VSX1: variants seen among roughly 807,000 people sequenced by gnomAD.
VSX1 encodes the protein visual system homeobox 1, also known as homeodomain protein RINX.
A neutral mutation model predicts 23.6 loss-of-function variants in VSX1; 23 were observed. That is an observed-to-expected ratio of 0.97 (90% CI 0.70 to 1.38). VSX1 has a LOEUF of 1.38. VSX1 is among the 40% of genes most tolerant of loss of function. The pLI is 0.00. For synonymous variants in VSX1, 247 were observed against 215.1 expected (o/e 1.15, Z -1.30); for missense variants, 517 against 495.4 (o/e 1.04, Z -0.41).
At position 25,078,874 on chromosome 20, in the gene VSX1, T is replaced by C. The variant is rs766034151; in HGVS notation, c.582A>G (p.Arg194=). The stretch of plus-strand genomic sequence containing the variant: ...GCTCAGTTTTCACAGCCAGCATTTC[T>C]CGGGCATACACATCAGGGTAGTGGG... ...SEAHYPDVYA[R]EMLAVKTELP... The change falls in exon 3 of 5, where the codon CGA becomes CGG. Residue 194 remains arginine, a synonymous_variant. Coordinates refer to ENST00000376709, the MANE Select transcript of VSX1 (RefSeq NM_014588.6). The C allele has an allele frequency of 6.2e-7, 1 of 1,614,212 alleles. No homozygotes were observed. Among genetic ancestry groups the C allele is most frequent in the Non-Finnish European group, 8.5e-7 (1 of 1,180,038 alleles).
Position 25,081,653 on chromosome 20 carries a change from G to A in VSX1, c.424+20C>T. On this transcript the variant is annotated intron_variant, in intron 1 of 4. Coordinates refer to ENST00000376709, the MANE Select transcript of VSX1 (RefSeq NM_014588.6). The stretch of plus-strand genomic sequence containing the variant: ...AGCCTAGGGGACAGGGGCAGGAGCG[G>A]AAAGCGCGGGCCTGATTACCGGACG... 6.6e-7 allele frequency: 1 copy of A among 1,526,446 alleles called. No homozygotes were observed. Among genetic ancestry groups the A allele is most frequent in the Non-Finnish European group, 8.7e-7 (1 of 1,143,244 alleles). 94.6% of individuals were successfully genotyped at this position (1,526,446 alleles called of 1,614,324 possible).
intron 2 of VSX1, 29 bp downstream of exon 2, chr20:25,079,407 C>T: frequency 6.3e-7 from 1 of 1,597,120 alleles, no homozygotes. Flanking sequence ...CGAGGAAAGG[C>T]AGGCAGAGGG....
In VSX1 at chr20:25,076,223, T is replaced by A; in HGVS notation, c.*38A>T. On this transcript the variant is annotated 3_prime_UTR_variant, in exon 5 of 5. Coordinates refer to ENST00000376709, the MANE Select transcript of VSX1 (RefSeq NM_014588.6). ...TTTTGGAAAATGCCAGTGAGGAATATGCACATTTTCAGCCTTTGACAGTGG... is the reference window on the plus strand; with the variant it reads ...TTTTGGAAAATGCCAGTGAGGAATAAGCACATTTTCAGCCTTTGACAGTGG... 1 of 1,612,968 alleles carries A rather than the reference T, an allele frequency of 6.2e-7. No homozygotes were observed. The highest frequency in any genetic ancestry group is 8.5e-7 in the Non-Finnish European group (1 of 1,179,926).
Position 25,082,134 on chromosome 20 carries a change from C to T in VSX1, c.-38G>A. Reference sequence around the variant, plus strand: ...AGCAAGGCGCGAGCCTCTCTGGATCCCGTTTGCGGAGGGCCCAGCTTAGAG... The same window carrying T: ...AGCAAGGCGCGAGCCTCTCTGGATCTCGTTTGCGGAGGGCCCAGCTTAGAG... On this transcript the variant is annotated 5_prime_UTR_variant, in exon 1 of 5. Transcript: ENST00000376709. 2 of 1,536,076 alleles carry T rather than the reference C, an allele frequency of 1.3e-6. No homozygotes were observed. Among genetic ancestry groups the T allele is most frequent in the Non-Finnish European group, 1.7e-6 (2 of 1,147,030 alleles).
chr20:25,078,719 C>T (rs1234440917), intron 3 of VSX1, 110 bp downstream of exon 3: 24 of 1,613,106 alleles, frequency 1.5e-5, no homozygotes, highest in Non-Finnish European at 2.0e-5. Flanking sequence ...AGTTTCTATG[C>T]AAAGGGAGCG....
chr20:25,072,605 A>G, downstream of VSX1: 1 of 471,210 alleles, frequency 2.1e-6, no homozygotes, highest in Non-Finnish European at 4.4e-6. Context: ...TCGGCTTAGC[A>G]GGTTCACTTC....
At chr20:25,081,345 C>T in intron 1 of VSX1, 1 of 603,112 alleles carries the variant, frequency 1.7e-6, no homozygotes, top group Non-Finnish European at 3.2e-6. Flanking sequence ...GAGACTGGCG[C>T]CTGGCGCTGG....
chr20:25,072,727 G>A (rs1379855657), downstream of VSX1: 7 of 465,398 alleles, frequency 1.5e-5, no homozygotes, highest in South Asian at 7.8e-5. Context: ...GTTTTTATAC[G>A]ATTAAACCTA....
downstream of VSX1, among the ~76,000 whole-genome samples, chr20:25,075,154 G>A (rs529945382): frequency 2.0e-5 from 3 of 152,182 alleles, no homozygotes; most frequent in African/African-American, 7.2e-5. Context: ...AGATCACTGG[G>A]CCAGTTCCCA....
rs781532116 is a variant in VSX1 at position 25,078,835 on chromosome 20, C to T, written c.621G>A (p.Arg207=). The stretch of plus-strand genomic sequence containing the variant: ...GAAAAGGGACCCCAGACACCTGTAT[C>T]CGGTCTTCGGGGAGCTCAGTTTTCA... ...LAVKTELPED[R]IQVWFQNRRA... Residue 207 remains arginine, a synonymous_variant, in exon 3 of 5, where the codon CGG becomes CGA. Coordinates refer to ENST00000376709, the MANE Select transcript of VSX1 (RefSeq NM_014588.6). 1 of 1,614,144 alleles carries T rather than the reference C, an allele frequency of 6.2e-7. No individual in the cohort carries two copies. Among genetic ancestry groups the T allele is most frequent in the South Asian group, 1.1e-5 (1 of 91,072 alleles).
chr20:25,076,641 C>T, intron 4 of VSX1, 91 bp from the exon 5 acceptor site: 1 of 1,424,572 alleles, frequency 7.0e-7, no homozygotes, highest in Non-Finnish European at 9.4e-7. Flanking sequence ...TCTCTAAATC[C>T]CACTAGAATT....
chr20:25,076,010 G>A lies in VSX1; in HGVS notation c.*251C>T. 3.5e-6 allele frequency: 2 copies of A among 563,918 alleles called. No individual in the cohort carries two copies. The highest frequency in any genetic ancestry group is 6.3e-6 in the Non-Finnish European group (2 of 318,168). The allele number at this position is 563,918 out of a possible 1,614,324, so 34.9% of individuals were successfully genotyped here. A position where few individuals can be genotyped will look rare whatever the true frequency, so the allele number is the denominator to read the frequency against. The stretch of plus-strand genomic sequence containing the variant: ...GATCCTCCCTGCTCAAGCTACAAAA[G>A]AGAATCAAAAGTTTTGCACCAAGTT... On this transcript the variant is annotated 3_prime_UTR_variant, in exon 5 of 5. Coordinates refer to ENST00000376709, the MANE Select transcript of VSX1 (RefSeq NM_014588.6).
rs781729236 is a variant in VSX1 at position 25,076,342 on chromosome 20, C to T, written c.1017G>A (p.Val339=). ...CTCCTTGAGCACCAGCCCCAGGGTG[C>T]ACTTTCTTGGTCTCCTGCCGGGCAG... ...SSSARQETKK[V]HPGAGAQGGS... is the part of the protein sequence containing the mutation. Residue 339 remains valine (V), a synonymous_variant, in exon 5 of 5, where the codon GTG becomes GTA. Transcript: ENST00000376709. 1.2e-6 allele frequency: 2 copies of T among 1,614,164 alleles called. No homozygotes were observed. Among genetic ancestry groups the T allele is most frequent in the Non-Finnish European group, 8.5e-7 (1 of 1,180,020 alleles).
rs774549195 is a variant in VSX1, at chr20:25,076,498, C to T, written c.861G>A (p.Lys287=). The change falls in exon 5 of 5, where the codon AAG becomes AAA. Residue 287 remains lysine (K), a synonymous_variant. Transcript: ENST00000376709. ...GGTCAGAGCCCCAGAGTCCTGCCAA[C>T]TTATCTTCACTTCCTGGCTTCCTTA... ...GMIRKPGSED[K]LAGLWGSDHF... The T allele has an allele frequency of 2.5e-6, 4 of 1,613,736 alleles. No homozygotes were observed. In the Admixed American group the frequency reaches 6.7e-5, roughly 27 times the overall value.
rs1000416199 is a variant in VSX1 at position 25,079,088 on chromosome 20, C to T, written c.504-136G>A. 1.2e-4 allele frequency: 111 copies of T among 954,114 alleles called. 3 individuals carry two copies. In the South Asian group the frequency reaches 1.6e-3, roughly 14 times the overall value. 59.1% of individuals were successfully genotyped at this position (954,114 alleles called of 1,614,324 possible). ...CACTTCATGATAATGGAACACCCCACCTCTGAATGATTAGCTGATGTCCAG... is the reference window on the plus strand; with the variant it reads ...CACTTCATGATAATGGAACACCCCATCTCTGAATGATTAGCTGATGTCCAG... On this transcript the variant is annotated intron_variant, in intron 2 of 4. Coordinates refer to ENST00000376709, the MANE Select transcript of VSX1 (RefSeq NM_014588.6).
At position 25,076,191 on chromosome 20, in the gene VSX1, T is replaced by A; in HGVS notation, c.*70A>T. The A allele has an allele frequency of 6.2e-7, 1 of 1,605,958 alleles. No homozygotes were observed. On this transcript the variant is annotated 3_prime_UTR_variant, in exon 5 of 5. Coordinates refer to ENST00000376709, the MANE Select transcript of VSX1 (RefSeq NM_014588.6). ...ACTGAGAGTATATGTCTTGGACAATTTTTGTCTTTTGGAAAATGCCAGTGA... is the reference window on the plus strand; with the variant it reads ...ACTGAGAGTATATGTCTTGGACAATATTTGTCTTTTGGAAAATGCCAGTGA...
At chr20:25,078,539 G>A (rs1600383378) in intron 3 of VSX1, 2 of 1,352,394 alleles carry the variant, frequency 1.5e-6, no homozygotes, top group East Asian at 5.5e-5. Context: ...GAGATGGAGA[G>A]GTAGTCTCTT....
chr20:25,074,367 T>C (rs988690172), downstream of VSX1, among the ~76,000 whole-genome samples: 1 of 152,196 alleles, frequency 6.6e-6, no homozygotes, highest in African/African-American at 2.4e-5. Context: ...CATTATAAAA[T>C]ATTAACCTGC....
chr20:25,078,491 G>A, intron 3 of VSX1: 7 of 1,247,056 alleles, frequency 5.6e-6, no homozygotes, highest in Non-Finnish European at 7.1e-6. Flanking sequence ...GTAGAGAAAG[G>A]TCTCCTCAGG....
Sources: gnomAD v4.1 joint callset for allele counts (sites outside exome capture counted in the v4.1 genomes callset) on GRCh38, gnomAD v4.1.1 for gene constraint, MANE v1.5 for transcripts, NCBI Gene and HGNC (gene_info 2026-07-23, HGNC 2026-07-21) for gene names.